The following FBXL17 variants were observed in gnomAD, a reference collection of about 807,000 sequenced individuals.
The protein encoded by FBXL17 is F-box and leucine rich repeat protein 17, also known as F-box/LRR-repeat protein 17.
A neutral mutation model predicts 66.2 loss-of-function variants in FBXL17; 22 were observed. That is an observed-to-expected ratio of 0.33 (90% confidence interval 0.24 to 0.47). The LOEUF (loss-of-function observed/expected upper bound fraction) is 0.47. FBXL17 is among the 20% of genes least tolerant of loss of function. The probability of loss-of-function intolerance (pLI) is 1.00; values close to 1 mark genes in which losing one functional copy is unlikely to be tolerated. For missense variants in FBXL17, 878 were observed against 948.2 expected (o/e 0.93, Z 0.97); for synonymous variants, 474 against 400.5 (o/e 1.18, Z -2.19).
At chr5:107,992,641 T>C (rs1276170099) in intron 7 of FBXL17, among the ~76,000 whole-genome samples, 1 of 152,136 alleles carries the variant, frequency 6.6e-6, no homozygotes, top group Non-Finnish European at 1.5e-5. Context: ...TTTTAAAAAT[T>C]TTTTTATCAA....
rs1166946709 is a variant in FBXL17 at position 107,990,745 on chromosome 5, T to TA, written c.1822+30179dup. Among the ~76,000 whole-genome samples, 4 of 152,146 alleles carry TA rather than the reference T, an allele frequency of 2.6e-5. No homozygotes were observed. In the East Asian group the frequency reaches 7.7e-4, roughly 29 times the overall value. On this transcript the variant is annotated intron_variant, in intron 7 of 8. Coordinates refer to ENST00000542267, the MANE Select transcript of FBXL17 (RefSeq NM_001163315.3). ...ATGTTAGTCTTATTTGGCAAACTGA[T>TA]AAGCAACAGAAGATGCAAACAGAAA...
chr5:108,245,530 T>C (rs1756056067), intron 4 of FBXL17, among the ~76,000 whole-genome samples: 1 of 152,158 alleles, frequency 6.6e-6, no homozygotes, highest in Non-Finnish European at 1.5e-5. Flanking sequence ...AATTCACAGC[T>C]CACTAAATGT....
At chr5:108,250,233 C>T (rs189486978) in intron 4 of FBXL17, among the ~76,000 whole-genome samples, 24 of 152,170 alleles carry the variant, frequency 1.6e-4, no homozygotes, top group Admixed American at 1.3e-3. Flanking sequence ...ATGGGGCCAA[C>T]GTCTCTTGGC....
intron 6 of FBXL17, among the ~76,000 whole-genome samples, chr5:108,061,573 T>G (rs994097204): frequency 2.6e-5 from 4 of 152,136 alleles, no homozygotes; most frequent in African/African-American, 9.7e-5. Flanking sequence ...CTCAATATTT[T>G]TATAATTTTG....
chr5:108,137,375 C>G (rs1751176810), intron 6 of FBXL17, among the ~76,000 whole-genome samples: 1 of 152,082 alleles, frequency 6.6e-6, no homozygotes, highest in African/African-American at 2.4e-5. Context: ...TTTGGAAGAG[C>G]CTCCTCCCTG....
At chr5:107,929,675 T>C (rs1264135279) in intron 7 of FBXL17, among the ~76,000 whole-genome samples, 2 of 152,080 alleles carry the variant, frequency 1.3e-5, no homozygotes, top group Admixed American at 1.3e-4. Context: ...AAATATCTGC[T>C]GATGTATCCA....
chr5:108,149,205 T>C (rs1367196926), intron 6 of FBXL17, among the ~76,000 whole-genome samples: 1 of 152,206 alleles, frequency 6.6e-6, no homozygotes, highest in Admixed American at 6.5e-5. Context: ...TCCTTGAGGG[T>C]GGGCTCTATA....
intron 7 of FBXL17, among the ~76,000 whole-genome samples, chr5:107,946,005 T>C (rs796209099): frequency 5.9e-5 from 9 of 151,718 alleles, no homozygotes; most frequent in African/African-American, 2.2e-4. Context: ...GAAATAGAGA[T>C]TTTAAAGCAC....
intron 4 of FBXL17, among the ~76,000 whole-genome samples, chr5:108,336,050 G>C (rs1169708788): frequency 1.3e-5 from 2 of 152,006 alleles, no homozygotes; most frequent in Non-Finnish European, 2.9e-5. Flanking sequence ...CTGCATTACT[G>C]TAACAAAATA....
chr5:108,016,501 A>G (rs1367222775), intron 7 of FBXL17, among the ~76,000 whole-genome samples: 1 of 152,222 alleles, frequency 6.6e-6, no homozygotes, highest in Non-Finnish European at 1.5e-5. Context: ...AAGTGAAAAA[A>G]GAATGTGACA....
intron 8 of FBXL17, among the ~76,000 whole-genome samples, chr5:107,869,888 T>C (rs1427380601): frequency 6.6e-6 from 1 of 152,224 alleles, no homozygotes; most frequent in African/African-American, 2.4e-5. Context: ...CCATAAACCC[T>C]ACAGTGACTC....
intron 7 of FBXL17, among the ~76,000 whole-genome samples, chr5:107,968,537 C>T (rs998208080): frequency 4.6e-5 from 7 of 152,076 alleles, no homozygotes; most frequent in Middle Eastern, 3.2e-3. Context: ...ATGAGAAACA[C>T]TAAACTATGC....
chr5:108,131,292 A>T (rs1750922103), intron 6 of FBXL17, among the ~76,000 whole-genome samples: 1 of 152,124 alleles, frequency 6.6e-6, no homozygotes, highest in Non-Finnish European at 1.5e-5. Context: ...TAAATCTGTG[A>T]CTGTTTGGTA....
At chr5:107,915,865 G>T (rs1378002557) in intron 7 of FBXL17, among the ~76,000 whole-genome samples, 1 of 152,102 alleles carries the variant, frequency 6.6e-6, no homozygotes, top group African/African-American at 2.4e-5. Context: ...GACATCTATT[G>T]GTTCAAAGAA....
At chr5:108,203,058 A>C (rs919716966) in intron 5 of FBXL17, among the ~76,000 whole-genome samples, 9 of 152,164 alleles carry the variant, frequency 5.9e-5, no homozygotes, top group Admixed American at 4.6e-4. Flanking sequence ...AAAGGTCATA[A>C]AGTTTTTAAG....
chr5:108,310,887 T>A (rs780988889), intron 4 of FBXL17, among the ~76,000 whole-genome samples: 2 of 152,178 alleles, frequency 1.3e-5, no homozygotes, highest in Non-Finnish European at 2.9e-5. Flanking sequence ...CCACAGACAA[T>A]TTTACTTCAC....
chr5:108,273,462 A>G (rs994505313), intron 4 of FBXL17, among the ~76,000 whole-genome samples: 2 of 151,874 alleles, frequency 1.3e-5, no homozygotes, highest in Non-Finnish European at 2.9e-5. Context: ...ACAAATGCAG[A>G]AAAAAAATGC....
chr5:108,249,699 C>A (rs1276531843), intron 4 of FBXL17, among the ~76,000 whole-genome samples: 1 of 152,028 alleles, frequency 6.6e-6, no homozygotes, highest in Non-Finnish European at 1.5e-5. Context: ...TCCACTGCCC[C>A]AAACAAGATG....
At chr5:108,126,424 C>A (rs998549976) in intron 6 of FBXL17, among the ~76,000 whole-genome samples, 1 of 151,786 alleles carries the variant, frequency 6.6e-6, no homozygotes, top group Admixed American at 6.6e-5. Context: ...AAGTAATAAG[C>A]CTAAAAATTT....
Sources: gnomAD v4.1 joint callset for allele counts (sites outside exome capture counted in the v4.1 genomes callset) on GRCh38, gnomAD v4.1.1 for gene constraint, MANE v1.5 for transcripts, NCBI Gene and HGNC (gene_info 2026-07-23, HGNC 2026-07-21) for gene names.